Variants in RBM26 observed in about 807,000 individuals in gnomAD.
RBM26 encodes the protein RNA binding motif protein 26, also known as RNA-binding protein 26.
A neutral mutation model predicts 123.6 loss-of-function variants in RBM26; 30 were observed. That is an observed-to-expected ratio of 0.24 (90% CI 0.18 to 0.33). The LOEUF is 0.33. Ranked by LOEUF, RBM26 falls within the 10% of genes least tolerant of loss-of-function variation. RBM26 has a pLI of 1.00. For synonymous variants in RBM26, 400 were observed against 404.4 expected (o/e 0.99, Z 0.13); for missense variants, 947 against 1,203.6 (o/e 0.79, Z 3.15).
chr13:79,379,525 A>C (rs543836562), intron 1 of RBM26, among the ~76,000 whole-genome samples: 1 of 148,098 alleles, frequency 6.8e-6, no homozygotes, highest in African/African-American at 2.5e-5. Context: ...TCTGGGTGAC[A>C]AAGTAAGAAC....
chr13:79,344,131 T>C lies in RBM26; in HGVS notation c.2259+117A>G, dbSNP rs551851789. On this transcript the variant is annotated intron_variant, in intron 16 of 21. Transcript: ENST00000438737. Reference sequence around the variant, plus strand: ...CATCTCCAATATTATCACTGACAAATATTTGTTTTACCATTACCAATTATA... The same window carrying C: ...CATCTCCAATATTATCACTGACAAACATTTGTTTTACCATTACCAATTATA... 536 of 738,842 alleles carry C rather than the reference T, an allele frequency of 7.3e-4. 10 individuals carry two copies. In the South Asian group the frequency reaches 7.6e-3, roughly 10 times the overall value. The allele number at this position is 738,842 out of a possible 1,614,324, so 45.8% of individuals were successfully genotyped here.
chr13:79,357,500 T>C (rs761667739), intron 11 of RBM26, among the ~76,000 whole-genome samples: 1 of 152,308 alleles, frequency 6.6e-6, no homozygotes, highest in African/African-American at 2.4e-5. Flanking sequence ...GGTCTAATTA[T>C]AGGTGCAGTC....
Position 79,320,002 on chromosome 13 carries a change from T to A in RBM26, c.*619A>T. The stretch of plus-strand genomic sequence containing the variant: ...GCTTTTCTCTTTTCTTTCCTTTTTT[T>A]TTTTTAAAGAGACCATTCCACTTTA... On this transcript the variant is annotated 3_prime_UTR_variant, in exon 22 of 22. Coordinates refer to ENST00000438737, the MANE Select transcript of RBM26 (RefSeq NM_001366735.2). 3 of 944,564 alleles carry A rather than the reference T, an allele frequency of 3.2e-6. No homozygotes were observed. Among genetic ancestry groups the A allele is most frequent in the Non-Finnish European group, 3.8e-6 (3 of 795,670 alleles). 58.5% of individuals were successfully genotyped at this position (944,564 alleles called of 1,614,324 possible).
intron 14 of RBM26, among the ~76,000 whole-genome samples, chr13:79,352,771 A>T (rs2073438628): frequency 6.6e-6 from 1 of 152,200 alleles, no homozygotes; most frequent in South Asian, 2.1e-4. Flanking sequence ...ACACTGCCCA[A>T]CGTCATGCAG....
intron 13 of RBM26, 54 bp from the exon 14 acceptor site, chr13:79,353,278 G>T: frequency 2.9e-6 from 3 of 1,045,322 alleles, no homozygotes; most frequent in Non-Finnish European, 4.3e-6. Flanking sequence ...ATAAAAGTCT[G>T]TTGGGATCTT....
chr13:79,340,974 C>T (rs2071273421), intron 18 of RBM26, 149 bp downstream of exon 18: 1 of 478,044 alleles, frequency 2.1e-6, no homozygotes, highest in South Asian at 4.2e-5. Context: ...GACCTCTTCC[C>T]TCTTTCCTAT....
exon 5 of RBM26, chr13:79,313,042 G>C (rs2066940444): frequency 6.6e-6 from 1 of 151,646 alleles, no homozygotes; most frequent in Non-Finnish European, 1.5e-5. Flanking sequence ...AGCATGACTA[G>C]AGCAGCTTAA....
rs117723728 is a variant in RBM26, at chr13:79,396,528, T to C, written c.71+9176A>G. ...AGAAAAATCTTTGAATATCATAAATTGTCAAGAGTGACACAAGAAGAAACA... is the reference window on the plus strand; with the variant it reads ...AGAAAAATCTTTGAATATCATAAATCGTCAAGAGTGACACAAGAAGAAACA... On this transcript the variant is annotated intron_variant, in intron 1 of 21. Coordinates refer to ENST00000438737, the MANE Select transcript of RBM26 (RefSeq NM_001366735.2). Among the ~76,000 whole-genome samples, 626 of 152,266 alleles carry C rather than the reference T, an allele frequency of 4.1e-3. 2 individuals carry two copies. Among genetic ancestry groups the C allele is most frequent in the Middle Eastern group, 6.8e-3 (2 of 294 alleles).
At chr13:79,365,745 A>G in intron 8 of RBM26, 27 bp from the exon 9 acceptor site, 1 of 1,596,326 alleles carries the variant, frequency 6.3e-7, no homozygotes, top group Non-Finnish European at 8.5e-7. Context: ...TGTAATTAAA[A>G]AACAATTATA....
At chr13:79,338,199 A>G (rs1010537034) in intron 18 of RBM26, among the ~76,000 whole-genome samples, 3 of 152,208 alleles carry the variant, frequency 2.0e-5, no homozygotes, top group African/African-American at 7.2e-5. Context: ...GCGACAGAGC[A>G]AGATTCCATC....
At chr13:79,333,064 T>C (rs1439111162) in intron 20 of RBM26, among the ~76,000 whole-genome samples, 2 of 152,242 alleles carry the variant, frequency 1.3e-5, no homozygotes, top group African/African-American at 2.4e-5. Context: ...CTAAAAATTA[T>C]CAACTGAAGC....
chr13:79,319,068 G>A lies in RBM26; in HGVS notation c.*1553C>T. On this transcript the variant is annotated 3_prime_UTR_variant, in exon 22 of 22. Coordinates refer to ENST00000438737, the MANE Select transcript of RBM26 (RefSeq NM_001366735.2). ...TTAAATATAAACGTAGACACGAATT[G>A]CAAGGCAAAGCATTTCTATGAAATA... 1.0e-6 allele frequency: 1 copy of A among 984,260 alleles called. No homozygotes were observed. The highest frequency in any genetic ancestry group is 1.2e-6 in the Non-Finnish European group (1 of 829,106). 61.0% of individuals were successfully genotyped at this position (984,260 alleles called of 1,614,324 possible). A position where few individuals can be genotyped will look rare whatever the true frequency, so the allele number is the denominator to read the frequency against.
At chr13:79,354,383 G>A (rs2073704273) in intron 13 of RBM26, 56 bp downstream of exon 13, 2 of 1,354,056 alleles carry the variant, frequency 1.5e-6, no homozygotes, top group Non-Finnish European at 1.9e-6. Flanking sequence ...AATCACCAAG[G>A]GAAACTAAAT....
rs747178846 is a variant in RBM26 at position 79,368,794 on chromosome 13, G to A, written c.831C>T (p.Asp277=). The change falls in exon 6 of 22, where the codon GAC becomes GAT. Residue 277 remains aspartate, a synonymous_variant. Transcript: ENST00000438737. Reference sequence around the variant, plus strand: ...TTACGTAAGAGTTATGGTCCACTTGGTCTTCATGAAATTCAGACCAACTTT... The same window carrying A: ...TTACGTAAGAGTTATGGTCCACTTGATCTTCATGAAATTCAGACCAACTTT... ...TTESWSEFHE[D]QVDHNSYVRP... 9.3e-6 allele frequency: 15 copies of A among 1,613,706 alleles called. No individual in the cohort carries two copies. The highest frequency in any genetic ancestry group is 4.0e-5 in the African/African-American group (3 of 74,896).
At chr13:79,396,198 TGAAA>T (rs1188070779) in intron 1 of RBM26, among the ~76,000 whole-genome samples, 2 of 148,790 alleles carry the variant, frequency 1.3e-5, no homozygotes, top group Non-Finnish European at 3.0e-5. Context: ...ATAAAATAAC[TGAAA>T]GAAAGGTGTA....
At chr13:79,405,328 C>G (rs1272605397) in intron 1 of RBM26, among the ~76,000 whole-genome samples, 1 of 151,982 alleles carries the variant, frequency 6.6e-6, no homozygotes, top group African/African-American at 2.4e-5. Flanking sequence ...TAGAACTGCC[C>G]GAATCCCCAA....
At chr13:79,392,959 T>C (rs1451466089) in intron 1 of RBM26, among the ~76,000 whole-genome samples, 1 of 152,158 alleles carries the variant, frequency 6.6e-6, no homozygotes, top group Non-Finnish European at 1.5e-5. Flanking sequence ...CTTTAAATCA[T>C]CTTTTAGCAG....
downstream of RBM26, among the ~76,000 whole-genome samples, chr13:79,318,644 G>A (rs1467803999): frequency 6.6e-6 from 1 of 151,416 alleles, no homozygotes; most frequent in Non-Finnish European, 1.5e-5. Context: ...TAAGTTCTAG[G>A]AAAACTGATT....
rs78763519 is a variant in RBM26, at chr13:79,342,396, G to C, written c.2427+268C>G. On this transcript the variant is annotated intron_variant, in intron 17 of 21. Coordinates refer to ENST00000438737, the MANE Select transcript of RBM26 (RefSeq NM_001366735.2). ...TATATAAAACTAGTCAAGCAGTCAA[G>C]TACCTATATCACTTTGTCCTCAAGC... is the stretch of plus-strand genomic sequence containing the variant. Among the ~76,000 whole-genome samples the C allele has an allele frequency of 4.1e-4, 63 of 151,874 alleles. No individual in the cohort carries two copies. In the East Asian group the frequency reaches 0.011, roughly 27 times the overall value.
Sources: gnomAD v4.1 joint callset for allele counts (sites outside exome capture counted in the v4.1 genomes callset) on GRCh38, gnomAD v4.1.1 for gene constraint, MANE v1.5 for transcripts, NCBI Gene and HGNC (gene_info 2026-07-23, HGNC 2026-07-21) for gene names.